Variants in FSTL5 observed in about 807,000 individuals in gnomAD.
The protein encoded by FSTL5 is follistatin-related protein 5.
FSTL5 carries 62 observed loss-of-function variants against 89.1 expected under a neutral mutation model. The ratio of observed to expected loss-of-function variants is 0.70; its 90% CI spans 0.57 to 0.86. FSTL5 has a LOEUF of 0.86. Ranked by LOEUF, FSTL5 falls within the 40% of genes least tolerant of loss-of-function variation. The probability of loss-of-function intolerance (pLI) is 0.00; values close to 1 mark genes in which losing one functional copy is unlikely to be tolerated. For synonymous variants in FSTL5, 383 were observed against 346.2 expected (o/e 1.11, Z -1.18); for missense variants, 1,057 against 1,001.6 (o/e 1.06, Z -0.75).
chr4:161,709,979 T>C (rs1431354114), intron 6 of FSTL5, among the ~76,000 whole-genome samples: 1 of 152,108 alleles, frequency 6.6e-6, no homozygotes, highest in African/African-American at 2.4e-5. Context: ...TGGTGGTAGT[T>C]GTTTTTTGAG....
chr4:161,392,086 G>A (rs1189981216), intron 15 of FSTL5, among the ~76,000 whole-genome samples: 2 of 151,964 alleles, frequency 1.3e-5, no homozygotes, highest in Non-Finnish European at 2.9e-5. Context: ...ATTGTTCTAG[G>A]CAAAATCAAA....
At chr4:161,643,394 T>C (rs988127345) in intron 7 of FSTL5, among the ~76,000 whole-genome samples, 1 of 152,166 alleles carries the variant, frequency 6.6e-6, no homozygotes, top group African/African-American at 2.4e-5. Context: ...GCATTTATAT[T>C]TGACTTCCCT....
chr4:161,744,555 C>T (rs1740128908), intron 6 of FSTL5, among the ~76,000 whole-genome samples: 1 of 152,046 alleles, frequency 6.6e-6, no homozygotes, highest in African/African-American at 2.4e-5. Context: ...CACCTGGCAG[C>T]AGAAGCAGTT....
At chr4:161,620,580 C>G (rs941383736) in intron 7 of FSTL5, among the ~76,000 whole-genome samples, 8 of 152,040 alleles carry the variant, frequency 5.3e-5, no homozygotes, top group Non-Finnish European at 1.0e-4. Flanking sequence ...CGCTTGAACG[C>G]GAAGGGTGGA....
chr4:161,956,284 T>C (rs1735024157), intron 3 of FSTL5, among the ~76,000 whole-genome samples: 1 of 151,372 alleles, frequency 6.6e-6, no homozygotes, highest in Admixed American at 6.6e-5. Context: ...GTAAAGAGAT[T>C]GCCCAATTAA....
chr4:161,969,884 G>C lies in FSTL5; in HGVS notation c.161-49232C>G, dbSNP rs141195290. On this transcript the variant is annotated intron_variant, in intron 3 of 15. Transcript: ENST00000306100. ...ATATAGGCAGAGGAAATGAGGATTT[G>C]AGAAGATAAAAAATATGGTGTATGT... Among the ~76,000 whole-genome samples, 37 of 152,186 alleles carry C rather than the reference G, an allele frequency of 2.4e-4. 1 individual carries two copies. The East Asian group carries it at 6.6e-3, about 27-fold the overall frequency.
At chr4:161,481,551 A>G (rs1729510030) in intron 12 of FSTL5, among the ~76,000 whole-genome samples, 1 of 152,202 alleles carries the variant, frequency 6.6e-6, no homozygotes, top group African/African-American at 2.4e-5. Flanking sequence ...GTTTTACACA[A>G]CATTGGTGGC....
intron 2 of FSTL5, among the ~76,000 whole-genome samples, chr4:162,098,234 A>T (rs1360198391): frequency 6.6e-6 from 1 of 152,002 alleles, no homozygotes; most frequent in African/African-American, 2.4e-5. Flanking sequence ...ATATGGTATG[A>T]TCCCATTTAC....
chr4:161,811,005 C>A (rs1730120512), intron 4 of FSTL5, among the ~76,000 whole-genome samples: 1 of 152,158 alleles, frequency 6.6e-6, no homozygotes, highest in South Asian at 2.1e-4. Context: ...CTCCTTTAAT[C>A]TTCCCAAAAC....
At chr4:161,418,697 T>C (rs1426329335) in intron 15 of FSTL5, among the ~76,000 whole-genome samples, 1 of 152,198 alleles carries the variant, frequency 6.6e-6, no homozygotes, top group Admixed American at 6.5e-5. Context: ...TAAAACTGGG[T>C]TTATGTCATT....
intron 12 of FSTL5, among the ~76,000 whole-genome samples, chr4:161,499,438 A>G (rs2126482951): frequency 6.6e-6 from 1 of 152,152 alleles, no homozygotes; most frequent in African/African-American, 2.4e-5. Flanking sequence ...ATTCTAGGGC[A>G]TAGATTTAAG....
At chr4:161,922,972 C>A (rs570142802) in intron 3 of FSTL5, among the ~76,000 whole-genome samples, 1 of 151,822 alleles carries the variant, frequency 6.6e-6, no homozygotes, top group South Asian at 2.1e-4. Context: ...AAGTGAGAAA[C>A]TGTACCCTAA....
intron 6 of FSTL5, among the ~76,000 whole-genome samples, chr4:161,697,810 T>C (rs1484320999): frequency 6.6e-6 from 1 of 152,198 alleles, no homozygotes; most frequent in Non-Finnish European, 1.5e-5. Flanking sequence ...TGATCTCTTC[T>C]GATGAAACAA....
chr4:161,997,884 G>T (rs935384048), intron 3 of FSTL5, among the ~76,000 whole-genome samples: 1 of 152,076 alleles, frequency 6.6e-6, no homozygotes, highest in Non-Finnish European at 1.5e-5. Context: ...GATTACAGGC[G>T]TGAGCCACCG....
At chr4:161,535,056 T>C (rs1038388528) in intron 10 of FSTL5, among the ~76,000 whole-genome samples, 1 of 152,140 alleles carries the variant, frequency 6.6e-6, no homozygotes, top group Non-Finnish European at 1.5e-5. Context: ...CCTCTTACCA[T>C]ACACACAGAT....
intron 8 of FSTL5, 96 bp from the exon 9 acceptor site, chr4:161,542,789 T>C (rs1438796098): frequency 3.8e-5 from 25 of 654,054 alleles, no homozygotes; most frequent in Non-Finnish European, 5.2e-5. Flanking sequence ...TAATAAATTA[T>C]ATATTTTAAT....
At chr4:161,463,139 G>GATAT (rs2126418210) in intron 13 of FSTL5, among the ~76,000 whole-genome samples, 1 of 152,106 alleles carries the variant, frequency 6.6e-6, no homozygotes, top group South Asian at 2.1e-4. Context: ...AATAAATTAG[G>GATAT]ATATACCTAT....
chr4:161,702,307 C>T (rs900587357), intron 6 of FSTL5, among the ~76,000 whole-genome samples: 2 of 152,058 alleles, frequency 1.3e-5, no homozygotes, highest in African/African-American at 4.8e-5. Flanking sequence ...ATTTTGATAA[C>T]GACGTTTTAA....
chr4:161,545,296 TA>T, intron 8 of FSTL5, among the ~76,000 whole-genome samples: 1 of 152,204 alleles, frequency 6.6e-6, no homozygotes, highest in South Asian at 2.1e-4. Context: ...AGTTGATTAC[TA>T]ATCAAAGGTA....
Sources: allele counts gnomAD v4.1 joint callset (sites outside exome capture counted in the v4.1 genomes callset), GRCh38; gene constraint gnomAD v4.1.1; transcripts MANE v1.5; gene names NCBI Gene and HGNC (gene_info 2026-07-23, HGNC 2026-07-21).